Variants in GABRG1 observed in about 807,000 individuals in gnomAD.
GABRG1 encodes the protein gamma-aminobutyric acid type A receptor subunit gamma1, also known as gamma-aminobutyric acid receptor subunit gamma-1.
Under a neutral mutation model 49.8 loss-of-function variants are expected in GABRG1, and 49 were observed. The ratio of observed to expected loss-of-function variants is 0.98; its 90% CI spans 0.78 to 1.25. GABRG1 has a LOEUF of 1.25. Ranked by LOEUF, GABRG1 falls within the 50% of genes most tolerant of loss-of-function variation. The probability of loss-of-function intolerance (pLI) is 0.00; values close to 1 mark genes in which losing one functional copy is unlikely to be tolerated. For synonymous variants in GABRG1, 232 were observed against 185.1 expected (o/e 1.25, Z -2.06); for missense variants, 552 against 552.3 (o/e 1.00, Z 0.01).
intron 3 of GABRG1, among the ~76,000 whole-genome samples, chr4:46,066,157 G>A (rs1453984918): frequency 6.6e-6 from 1 of 152,068 alleles, no homozygotes; most frequent in Non-Finnish European, 1.5e-5. Flanking sequence ...TATGTAGGAT[G>A]TACTCATTAA....
chr4:46,111,199 A>C (rs948446691), intron 1 of GABRG1, among the ~76,000 whole-genome samples: 6 of 150,940 alleles, frequency 4.0e-5, no homozygotes, highest in African/African-American at 1.5e-4. Context: ...TTCTATACGA[A>C]AATAATGTTC....
At chr4:46,099,361 G>C (rs1174102536) in intron 1 of GABRG1, among the ~76,000 whole-genome samples, 2 of 151,592 alleles carry the variant, frequency 1.3e-5, no homozygotes, top group African/African-American at 2.4e-5. Context: ...ATACTCACAG[G>C]CTACTCCATT....
At chr4:46,056,773 G>A (rs1229235425) in intron 7 of GABRG1, among the ~76,000 whole-genome samples, 2 of 152,072 alleles carry the variant, frequency 1.3e-5, no homozygotes, top group East Asian at 1.9e-4. Flanking sequence ...AGTGATATGT[G>A]TGTGCATGTA....
chr4:46,090,115 G>C (rs1172753665), intron 2 of GABRG1, among the ~76,000 whole-genome samples: 2 of 151,956 alleles, frequency 1.3e-5, no homozygotes, highest in Non-Finnish European at 2.9e-5. Flanking sequence ...CAAAGACAAA[G>C]GGTACTAAAA....
rs200059897 is a variant in GABRG1, at chr4:46,051,428, G to T, written c.1127C>A (p.Ala376Asp). 1.3e-6 allele frequency: 2 copies of T among 1,599,506 alleles called. No homozygotes were observed. Among genetic ancestry groups the T allele is most frequent in the East Asian group, 4.5e-5 (2 of 44,574 alleles). Residue 376 changes from alanine to aspartate, a missense_variant, in exon 8 of 9, where the codon GCC (alanine) becomes GAC (aspartate). Coordinates refer to ENST00000295452, the MANE Select transcript of GABRG1 (RefSeq NM_173536.4). ...ATKDRKLKNK[A>D]SMTPGLHPGS... The stretch of plus-strand genomic sequence containing the variant: ...AAATTTTTCTTTTTAACATACCGAG[G>T]CTTTATTTTTTAGCTTTCTGTCTTT...
intron 3 of GABRG1, among the ~76,000 whole-genome samples, chr4:46,080,496 G>T (rs889490945): frequency 6.6e-6 from 1 of 151,524 alleles, no homozygotes; most frequent in East Asian, 1.9e-4. Flanking sequence ...ACCTGTTTTA[G>T]TATCACTAGT....
intron 1 of GABRG1, among the ~76,000 whole-genome samples, 155 bp from the exon 2 acceptor site, chr4:46,097,504 TCATA>T (rs1368002057): frequency 6.6e-6 from 1 of 151,674 alleles, no homozygotes; most frequent in Non-Finnish European, 1.5e-5. Context: ...AATACATTTG[TCATA>T]CAAAGTGCCC....
chr4:46,121,263 T>C (rs999405128), intron 1 of GABRG1, among the ~76,000 whole-genome samples: 1 of 151,862 alleles, frequency 6.6e-6, no homozygotes, highest in Non-Finnish European at 1.5e-5. Flanking sequence ...AATGAACTAT[T>C]TATGGTTAGT....
rs1719610325 is a variant in GABRG1, at chr4:46,082,423, C to A, written c.321+1563G>T. ...ATAGTAGTTTATAAAATTAAATCTA[C>A]ATTCCCACTCACTCCCTAGCACCCA... On this transcript the variant is annotated intron_variant, in intron 3 of 8. Transcript: ENST00000295452. Among the ~76,000 whole-genome samples the A allele has an allele frequency of 4.0e-5, 6 of 151,716 alleles. No individual in the cohort carries two copies. In the Admixed American group the frequency reaches 4.0e-4, roughly 10 times the overall value.
intron 3 of GABRG1, among the ~76,000 whole-genome samples, chr4:46,068,908 C>A (rs1719015090): frequency 6.6e-6 from 1 of 152,076 alleles, no homozygotes; most frequent in African/African-American, 2.4e-5. Flanking sequence ...AGATAAGGAA[C>A]AGTGCATTTA....
rs1370234700 is a variant in GABRG1, at chr4:46,117,845, T to C, written c.104+5965A>G. ...ATATACATATATACATATGTATACA[T>C]GTGTATCTATATACATATATACATA... On this transcript the variant is annotated intron_variant, in intron 1 of 8. Coordinates refer to ENST00000295452, the MANE Select transcript of GABRG1 (RefSeq NM_173536.4). Among the ~76,000 whole-genome samples the C allele has an allele frequency of 4.0e-4, 39 of 98,586 alleles. 4 individuals are homozygous for C. The highest frequency in any genetic ancestry group is 2.0e-3 in the African/African-American group (38 of 18,862). 64.7% of individuals were successfully genotyped at this position (98,586 alleles called of 152,430 possible).
At chr4:46,123,157 T>C (rs1721143890) in intron 1 of GABRG1, among the ~76,000 whole-genome samples, 1 of 140,486 alleles carries the variant, frequency 7.1e-6, no homozygotes, top group Admixed American at 7.2e-5. Context: ...GCCAAGACAT[T>C]CATGTGGCCA....
chr4:46,122,603 T>A (rs1396532971), intron 1 of GABRG1, among the ~76,000 whole-genome samples: 1 of 152,070 alleles, frequency 6.6e-6, no homozygotes, highest in Non-Finnish European at 1.5e-5. Flanking sequence ...ACAGGTCTAA[T>A]ATTACTTAGC....
intron 2 of GABRG1, among the ~76,000 whole-genome samples, chr4:46,090,955 TACACACACACAC>T (rs61288916): frequency 1.7e-4 from 22 of 131,172 alleles, no homozygotes; most frequent in Non-Finnish European, 2.5e-4. Flanking sequence ...CACACACACA[TACACACACACAC>T]ACACACACAC....
chr4:46,065,673 T>G, intron 3 of GABRG1, 89 bp from the exon 4 acceptor site: 1 of 663,988 alleles, frequency 1.5e-6, no homozygotes. Flanking sequence ...TTGTAAAGTT[T>G]CTGCAAGTAA....
intron 3 of GABRG1, among the ~76,000 whole-genome samples, chr4:46,078,463 G>A (rs950302717): frequency 1.3e-5 from 2 of 151,908 alleles, no homozygotes; most frequent in African/African-American, 4.8e-5. Context: ...AACATACAAG[G>A]GAGAGAGGGA....
intron 8 of GABRG1, among the ~76,000 whole-genome samples, chr4:46,046,613 A>G (rs982257658): frequency 7.2e-5 from 11 of 152,104 alleles, no homozygotes; most frequent in African/African-American, 2.7e-4. Context: ...ATAGGCATGC[A>G]CTGACTGAAA....
At chr4:46,112,503 CAAAT>C (rs1720748592) in intron 1 of GABRG1, among the ~76,000 whole-genome samples, 1 of 151,124 alleles carries the variant, frequency 6.6e-6, no homozygotes, top group Admixed American at 6.6e-5. Flanking sequence ...CAAAAGAAAA[CAAAT>C]AATTCTACCA....
intron 2 of GABRG1, among the ~76,000 whole-genome samples, chr4:46,094,751 C>T (rs1031127200): frequency 2.6e-5 from 4 of 151,942 alleles, no homozygotes; most frequent in Non-Finnish European, 5.9e-5. Flanking sequence ...TACACCCCAA[C>T]ACCACAATCA....
Sources: allele counts gnomAD v4.1 joint callset (sites outside exome capture counted in the v4.1 genomes callset), GRCh38; gene constraint gnomAD v4.1.1; transcripts MANE v1.5; gene names NCBI Gene and HGNC (gene_info 2026-07-23, HGNC 2026-07-21).